Variants in CDK8 observed in about 807,000 individuals in gnomAD.
CDK8 encodes the protein cyclin-dependent kinase 8.
CDK8 carries 29 observed loss-of-function variants against 71.5 expected under a neutral mutation model. That is an observed-to-expected ratio of 0.41 (90% CI 0.30 to 0.55). The LOEUF (loss-of-function observed/expected upper bound fraction) is 0.55, where lower values mean the gene tolerates loss of function less well. CDK8 is among the 20% of genes least tolerant of loss of function. The pLI is 0.37. For missense variants in CDK8, 288 were observed against 572.6 expected (o/e 0.50, Z 5.07); for synonymous variants, 161 against 192.1 (o/e 0.84, Z 1.34).
intron 1 of CDK8, among the ~76,000 whole-genome samples, chr13:26,273,486 T>C (rs1872425292): frequency 6.6e-6 from 1 of 152,144 alleles, no homozygotes; most frequent in Admixed American, 6.5e-5. Context: ...TCACTTTTTA[T>C]TCACTAAATC....
intron 5 of CDK8, among the ~76,000 whole-genome samples, chr13:26,383,709 G>A (rs1875340323): frequency 1.3e-5 from 2 of 152,310 alleles, no homozygotes; most frequent in South Asian, 2.1e-4. Flanking sequence ...AGAAACACAT[G>A]TGTGTTCTTA....
intron 4 of CDK8, among the ~76,000 whole-genome samples, chr13:26,364,689 T>C (rs560161024): frequency 6.6e-6 from 1 of 152,372 alleles, no homozygotes; most frequent in South Asian, 2.1e-4. Flanking sequence ...TAATGTGTTA[T>C]TAAAGCTCAC....
In CDK8 at chr13:26,340,210, T is replaced by C. The variant is rs550609602; in HGVS notation, c.204+2568T>C. On this transcript the variant is annotated intron_variant, in intron 2 of 12. Transcript: ENST00000381527. The stretch of plus-strand genomic sequence containing the variant: ...AATTTAGTACAAAATATTTTCAGTT[T>C]TCTTTGTGAAATTTTTCCTTTTATC... Among the ~76,000 whole-genome samples, 6 of 152,286 alleles carry C rather than the reference T, an allele frequency of 3.9e-5. No individual in the cohort carries two copies. In the South Asian group the frequency reaches 1.2e-3, roughly 32 times the overall value.
At chr13:26,326,876 G>C (rs1416857012) in intron 1 of CDK8, among the ~76,000 whole-genome samples, 7 of 152,138 alleles carry the variant, frequency 4.6e-5, no homozygotes, top group Non-Finnish European at 1.5e-5. Flanking sequence ...GCCCTGGAAA[G>C]TTATTATCTT....
intron 1 of CDK8, among the ~76,000 whole-genome samples, chr13:26,266,851 C>T (rs372039283): frequency 8.5e-5 from 13 of 152,064 alleles, no homozygotes; most frequent in East Asian, 3.8e-4. Flanking sequence ...GGATATTTCT[C>T]ATTTTTTAAT....
intron 2 of CDK8, 53 bp downstream of exon 2, chr13:26,337,695 A>T: frequency 2.7e-6 from 2 of 735,806 alleles, no homozygotes; most frequent in Non-Finnish European, 4.3e-6. Flanking sequence ...ATGAGTACCA[A>T]CTATATAAGG....
chr13:26,333,593 A>G (rs1872852055), intron 1 of CDK8, among the ~76,000 whole-genome samples: 1 of 152,168 alleles, frequency 6.6e-6, no homozygotes, highest in Admixed American at 6.5e-5. Context: ...TTGCTTTCTG[A>G]TGGTTCATTG....
intron 1 of CDK8, among the ~76,000 whole-genome samples, chr13:26,336,616 T>C (rs1414967275): frequency 4.1e-5 from 6 of 146,312 alleles, no homozygotes; most frequent in East Asian, 4.1e-4. Flanking sequence ...TGCAGTGGCG[T>C]GATCTCGGCT....
At chr13:26,264,429 C>T (rs993892550) in intron 1 of CDK8, among the ~76,000 whole-genome samples, 10 of 152,064 alleles carry the variant, frequency 6.6e-5, no homozygotes, top group Admixed American at 2.6e-4. Flanking sequence ...GGGACTAGCA[C>T]GTCACCCCTC....
Position 26,363,329 on chromosome 13 carries a change from A to G in CDK8, c.456+9449A>G, listed in dbSNP as rs1290192593. ...GGTGACAGAGCAAGACTCCATCTCAAAAAAAAAAAAAAGAAATTTGGAGTA... is the reference window on the plus strand; with the variant it reads ...GGTGACAGAGCAAGACTCCATCTCAGAAAAAAAAAAAAGAAATTTGGAGTA... On this transcript the variant is annotated intron_variant, in intron 4 of 12. Transcript: ENST00000381527. Among the ~76,000 whole-genome samples, 4 of 148,120 alleles carry G rather than the reference A, an allele frequency of 2.7e-5. 1 individual carries two copies. Among genetic ancestry groups the G allele is most frequent in the Non-Finnish European group, 6.0e-5 (4 of 66,946 alleles).
At chr13:26,314,522 A>G (rs1489808479) in intron 1 of CDK8, among the ~76,000 whole-genome samples, 3 of 152,234 alleles carry the variant, frequency 2.0e-5, no homozygotes, top group Non-Finnish European at 4.4e-5. Flanking sequence ...TTAAATTCAA[A>G]CAGATATGTA....
intron 4 of CDK8, among the ~76,000 whole-genome samples, chr13:26,366,611 A>G (rs972680928): frequency 6.6e-6 from 1 of 152,130 alleles, no homozygotes; most frequent in Non-Finnish European, 1.5e-5. Flanking sequence ...TTATCTTACT[A>G]AAAGTATAAT....
intron 1 of CDK8, among the ~76,000 whole-genome samples, chr13:26,265,437 G>A (rs1419188339): frequency 6.6e-6 from 1 of 152,134 alleles, no homozygotes; most frequent in African/African-American, 2.4e-5. Flanking sequence ...AATTGTGAAT[G>A]GGCAATAAAT....
intron 6 of CDK8, among the ~76,000 whole-genome samples, chr13:26,391,015 A>AAC (rs1875721796): frequency 6.7e-6 from 1 of 150,352 alleles, no homozygotes; most frequent in Admixed American, 6.6e-5. Flanking sequence ...AAAAAAAAAA[A>AAC]AACAAGGTAG....
intron 2 of CDK8, among the ~76,000 whole-genome samples, 184 bp downstream of exon 2, chr13:26,337,826 CTCTT>C (rs1209612530): frequency 6.6e-6 from 1 of 152,006 alleles, no homozygotes; most frequent in Non-Finnish European, 1.5e-5. Context: ...TCTATATAAA[CTCTT>C]TATTTGGGGT....
intron 1 of CDK8, among the ~76,000 whole-genome samples, chr13:26,310,778 C>T (rs1375531455): frequency 1.3e-5 from 2 of 152,124 alleles, no homozygotes; most frequent in Non-Finnish European, 2.9e-5. Flanking sequence ...TGGACCTCTG[C>T]TCTACATTGT....
intron 1 of CDK8, among the ~76,000 whole-genome samples, chr13:26,274,451 A>C (rs904763942): frequency 2.1e-5 from 3 of 145,602 alleles, no homozygotes; most frequent in African/African-American, 7.6e-5. Flanking sequence ...TTTTTTTTTG[A>C]GATGGAGTCT....
chr13:26,329,265 A>G (rs1362763402), intron 1 of CDK8, among the ~76,000 whole-genome samples: 4 of 151,876 alleles, frequency 2.6e-5, no homozygotes, highest in Admixed American at 1.3e-4. Flanking sequence ...GCCATTTTAT[A>G]TTTTCATCTT....
At chr13:26,383,614 T>C (rs1875336083) in intron 5 of CDK8, among the ~76,000 whole-genome samples, 1 of 152,182 alleles carries the variant, frequency 6.6e-6, no homozygotes, top group South Asian at 2.1e-4. Context: ...GACATCAGGA[T>C]TGTAACAAAG....
Sources: gnomAD v4.1 joint callset for allele counts (sites outside exome capture counted in the v4.1 genomes callset) on GRCh38, gnomAD v4.1.1 for gene constraint, MANE v1.5 for transcripts, NCBI Gene and HGNC (gene_info 2026-07-23, HGNC 2026-07-21) for gene names.